The following MLLT1 variants were observed in gnomAD, a reference collection of about 807,000 sequenced individuals.
MLLT1 encodes MLLT1 super elongation complex subunit.
MLLT1 carries 11 observed loss-of-function variants against 55.1 expected under a neutral mutation model. That is an observed-to-expected ratio of 0.20 (90% CI 0.13 to 0.33). The LOEUF is 0.33. Among genes scored for constraint, MLLT1 ranks in the 10% least tolerant of loss-of-function variants. The pLI is 1.00. For missense variants in MLLT1, 536 were observed against 760.6 expected, an observed-to-expected ratio of 0.70 and a Z score of 3.47; for synonymous variants, 323 against 320.1, an observed-to-expected ratio of 1.01 and a Z score of -0.10.
intron 3 of MLLT1, among the ~76,000 whole-genome samples, chr19:6,236,018 C>A (rs956657287): frequency 6.6e-6 from 1 of 152,200 alleles, no homozygotes; most frequent in Non-Finnish European, 1.5e-5. Flanking sequence ...CACAATGGGA[C>A]TGTCCTGTTT....
chr19:6,251,769 CAA>C (rs11307954), intron 3 of MLLT1, among the ~76,000 whole-genome samples: 77 of 141,864 alleles, frequency 5.4e-4, no homozygotes, highest in Admixed American at 7.8e-4. Context: ...TACCTCCCAC[CAA>C]AAAAAAAAAA....
At chr19:6,266,960 A>T (rs2091353792) in intron 2 of MLLT1, among the ~76,000 whole-genome samples, 1 of 152,154 alleles carries the variant, frequency 6.6e-6, no homozygotes, top group Non-Finnish European at 1.5e-5. Flanking sequence ...AAACACTCAG[A>T]GGACTTTACA....
At chr19:6,244,097 C>T (rs2091143743) in intron 3 of MLLT1, among the ~76,000 whole-genome samples, 2 of 150,742 alleles carry the variant, frequency 1.3e-5, no homozygotes, top group African/African-American at 4.9e-5. Flanking sequence ...GAGAACCCAA[C>T]CGACCCTTTC....
chr19:6,236,736 C>G (rs577936577), intron 3 of MLLT1, among the ~76,000 whole-genome samples: 6 of 152,282 alleles, frequency 3.9e-5, no homozygotes, highest in Non-Finnish European at 7.4e-5. Context: ...TCCTGGCTAC[C>G]CCTGGAAACC....
At chr19:6,216,710 G>A (rs1041821135) in intron 7 of MLLT1, 197 bp from the exon 8 acceptor site, 9 of 555,830 alleles carry the variant, frequency 1.6e-5, no homozygotes, top group East Asian at 3.1e-5. Context: ...CCCCTAGAAC[G>A]CCCTGGCTCC....
At chr19:6,261,321 G>A (rs1037975255) in intron 3 of MLLT1, among the ~76,000 whole-genome samples, 9 of 152,206 alleles carry the variant, frequency 5.9e-5, no homozygotes, top group African/African-American at 1.7e-4. Flanking sequence ...AACGTCACCC[G>A]GCTCCTAGGA....
intron 2 of MLLT1, among the ~76,000 whole-genome samples, chr19:6,267,108 A>AT (rs905699120): frequency 4.0e-4 from 59 of 148,896 alleles, no homozygotes; most frequent in East Asian, 6.0e-4. Context: ...CTCTAAAAGA[A>AT]TTTTTTTTTT....
At chr19:6,214,897 G>C (rs529003349) in intron 8 of MLLT1, among the ~76,000 whole-genome samples, 5 of 152,312 alleles carry the variant, frequency 3.3e-5, no homozygotes, top group Admixed American at 2.6e-4. Flanking sequence ...GCCTGCTCCT[G>C]CCCCGGCGCA....
At chr19:6,254,595 T>C (rs887576515) in intron 3 of MLLT1, among the ~76,000 whole-genome samples, 1 of 152,178 alleles carries the variant, frequency 6.6e-6, no homozygotes, top group South Asian at 2.1e-4. Flanking sequence ...GACCCCCAAG[T>C]GGTGTCTGTG....
intron 3 of MLLT1, among the ~76,000 whole-genome samples, chr19:6,248,271 G>C (rs2091185329): frequency 6.6e-6 from 1 of 152,184 alleles, no homozygotes; most frequent in Non-Finnish European, 1.5e-5. Context: ...AAACAAAACA[G>C]GTTATCTGCA....
intron 9 of MLLT1, 50 bp downstream of exon 9, chr19:6,213,889 G>T: frequency 6.6e-7 from 1 of 1,510,996 alleles, no homozygotes; most frequent in Non-Finnish European, 9.0e-7. Context: ...CCCGGCCCAG[G>T]GCTAAGCCCG....
rs2090917133 is a variant in MLLT1 at position 6,222,921 on chromosome 19, C to T, written c.547-237G>A. 6.6e-6 allele frequency among the ~76,000 whole-genome samples: 1 copy of T among 152,324 alleles called. No individual in the cohort carries two copies. Among genetic ancestry groups the T allele is most frequent in the African/African-American group, 2.4e-5 (1 of 41,574 alleles). On this transcript the variant is annotated intron_variant, in intron 5 of 11. Transcript: ENST00000252674. The surrounding 1 kb of genome is among the most constrained non-coding windows in gnomAD (Gnocchi z 4.1). ...TCCCCGGCAGCTGCAGGCTAAGATT[C>T]CCCTCAGAATTGAACTGACATTCCC...
rs1052161343 is a variant in MLLT1 at position 6,269,066 on chromosome 19, A to T, written c.193+1513T>A. ...GTGAAGAAGTGGAGTGGATGCCACC[A>T]GAGAAAGGAAAGAGGGCCTGGTGCA... is the stretch of plus-strand genomic sequence containing the variant. On this transcript the variant is annotated intron_variant, in intron 2 of 11. Coordinates refer to ENST00000252674, the MANE Select transcript of MLLT1 (RefSeq NM_005934.4). 1.5e-4 allele frequency among the ~76,000 whole-genome samples: 23 copies of T among 152,318 alleles called. No homozygotes were observed. The East Asian group carries it at 2.5e-3, about 17-fold the overall frequency.
chr19:6,213,460 T>C, intron 10 of MLLT1, 52 bp from the exon 11 acceptor site: 1 of 1,427,374 alleles, frequency 7.0e-7, no homozygotes, highest in Middle Eastern at 1.7e-4. Context: ...GGACCCTTCC[T>C]GCTCCCATGC....
rs756767418 is a variant in MLLT1, at chr19:6,213,440, TGGG to T, written c.1480-35_1480-33del. ...AGGGGGGGCAGGTCTCAGCAGCGTG[TGGG>T]GGCCCTGGACCCTTCCTGCTCCCAT... On this transcript the variant is annotated intron_variant, in intron 10 of 11. Coordinates refer to ENST00000252674, the MANE Select transcript of MLLT1 (RefSeq NM_005934.4). 123 of 1,543,594 alleles carry T rather than the reference TGGG, an allele frequency of 8.0e-5. No homozygotes were observed. The African/African-American group carries it at 1.3e-3, about 17-fold the overall frequency.
At position 6,211,126 on chromosome 19, in the gene MLLT1, C is replaced by CT. The variant is rs566272458; in HGVS notation, c.*1915dup. The CT allele has an allele frequency of 3.6e-3, 848 of 232,676 alleles. 3 individuals carry two copies. Among genetic ancestry groups the CT allele is most frequent in the Admixed American group, 5.3e-3 (95 of 17,782 alleles). 14.4% of individuals were successfully genotyped at this position (232,676 alleles called of 1,614,324 possible). A position where few individuals can be genotyped will look rare whatever the true frequency, so the allele number is the denominator to read the frequency against. Reference sequence around the variant, plus strand: ...TTCCTGTCCGTGACCCCGGCGGCCTCTTGTGCGTAGAGCTCCCAGCAGCAC... The same window carrying CT: ...TTCCTGTCCGTGACCCCGGCGGCCTCTTTGTGCGTAGAGCTCCCAGCAGCAC... On this transcript the variant is annotated 3_prime_UTR_variant, in exon 12 of 12. Coordinates refer to ENST00000252674, the MANE Select transcript of MLLT1 (RefSeq NM_005934.4). This position sits in a 1 kb window ranked among gnomAD's most constrained non-coding sequence, Gnocchi z 4.6.
intron 2 of MLLT1, among the ~76,000 whole-genome samples, chr19:6,267,566 A>G (rs1600217454): frequency 6.6e-6 from 1 of 152,256 alleles, no homozygotes. Context: ...TTTAACCAAA[A>G]ATGACCAAAA....
At chr19:6,279,098 T>C (rs960186234) in intron 1 of MLLT1, among the ~76,000 whole-genome samples, 7 of 151,152 alleles carry the variant, frequency 4.6e-5, no homozygotes, top group African/African-American at 1.7e-4. Context: ...AGGTAGGGGA[T>C]GGGTGGAGAT....
rs1461642070 is a variant in MLLT1 at position 6,210,499 on chromosome 19, G to A, written c.*2543C>T. On this transcript the variant is annotated 3_prime_UTR_variant, in exon 12 of 12. Transcript: ENST00000252674. This position sits in a 1 kb window ranked among gnomAD's most constrained non-coding sequence, Gnocchi z 4.6. ...CAATCCTGTAACTCGTTACAAACAC[G>A]ATTCTCCTTATTCCTTTTATCCAGG... 8 of 211,436 alleles carry A rather than the reference G, an allele frequency of 3.8e-5. No individual in the cohort carries two copies. Among genetic ancestry groups the A allele is most frequent in the Admixed American group, 2.4e-4 (4 of 16,960 alleles). 13.1% of individuals were successfully genotyped at this position (211,436 alleles called of 1,614,324 possible).
Sources: allele counts gnomAD v4.1 joint callset (sites outside exome capture counted in the v4.1 genomes callset), GRCh38; gene constraint gnomAD v4.1.1; non-coding constraint Gnocchi (gnomAD v3.1); transcripts MANE v1.5; gene names NCBI Gene and HGNC (gene_info 2026-07-23, HGNC 2026-07-21).